The following CTNNA2 variants were observed in gnomAD, a reference collection of about 807,000 sequenced individuals.
CTNNA2 encodes catenin alpha-2.
CTNNA2 carries 42 observed loss-of-function variants against 101.0 expected under a neutral mutation model. That is an observed-to-expected ratio of 0.42 (90% CI 0.32 to 0.54). The LOEUF is 0.54. Ranked by LOEUF, CTNNA2 falls within the 20% of genes least tolerant of loss-of-function variation. CTNNA2 has a pLI of 0.14. For missense variants in CTNNA2, 871 were observed against 1,223.1 expected (o/e 0.71, Z 4.29); for synonymous variants, 450 against 456.4 (o/e 0.99, Z 0.18).
At chr2:79,275,277 G>A (rs1553389640) in intron 2 of CTNNA2, among the ~76,000 whole-genome samples, 2 of 152,012 alleles carry the variant, frequency 1.3e-5, no homozygotes, top group Non-Finnish European at 2.9e-5. Context: ...GAGGATCAAA[G>A]GTAGGGGCAC....
At chr2:80,190,966 A>G (rs1706462744) in intron 7 of CTNNA2, among the ~76,000 whole-genome samples, 1 of 152,156 alleles carries the variant, frequency 6.6e-6, no homozygotes. Flanking sequence ...TCTGAAGTGC[A>G]ACTTGTTCCA....
At chr2:79,684,917 TC>T (rs1014506325) in intron 2 of CTNNA2, among the ~76,000 whole-genome samples, 2 of 152,152 alleles carry the variant, frequency 1.3e-5, no homozygotes, top group Non-Finnish European at 2.9e-5. Flanking sequence ...CCGCCCTCTT[TC>T]CCAGTTCATC....
intron 2 of CTNNA2, among the ~76,000 whole-genome samples, chr2:79,665,963 T>C (rs1375038372): frequency 6.6e-6 from 1 of 152,180 alleles, no homozygotes; most frequent in Admixed American, 6.5e-5. Flanking sequence ...TAAACTGTAG[T>C]TTTCAATGGC....
chr2:79,744,063 A>G (rs1359942548), intron 2 of CTNNA2, among the ~76,000 whole-genome samples: 1 of 152,046 alleles, frequency 6.6e-6, no homozygotes, highest in Non-Finnish European at 1.5e-5. Context: ...GAGGCTGGGT[A>G]CTCCAAGGAG....
At position 79,550,614 on chromosome 2, in the gene CTNNA2, A is replaced by G. The variant is rs147266576; in HGVS notation, c.-6+37407A>G. ...GTTACCCCTGTTGTATGACCATTAC[A>G]TCTGTATTAAGCGCAACACTCATTT... is the stretch of plus-strand genomic sequence containing the variant. On this transcript the variant is annotated intron_variant, in intron 1 of 18. Transcript: ENST00000402739. Among the ~76,000 whole-genome samples, 88 of 152,346 alleles carry G rather than the reference A, an allele frequency of 5.8e-4. No homozygotes were observed. In the East Asian group the frequency reaches 0.013, roughly 23 times the overall value.
intron 6 of CTNNA2, among the ~76,000 whole-genome samples, chr2:79,888,843 A>G (rs935760620): frequency 6.6e-6 from 1 of 152,202 alleles, no homozygotes; most frequent in Non-Finnish European, 1.5e-5. Flanking sequence ...TATGATATTC[A>G]AAATTGTCTA....
At chr2:79,694,129 T>G (rs2104717757) in intron 2 of CTNNA2, among the ~76,000 whole-genome samples, 1 of 152,068 alleles carries the variant, frequency 6.6e-6, no homozygotes, top group African/African-American at 2.4e-5. Flanking sequence ...AACCACAAAC[T>G]TAATGTTTTT....
intron 18 of CTNNA2, among the ~76,000 whole-genome samples, chr2:80,639,841 G>T (rs976113165): frequency 6.6e-6 from 1 of 151,974 alleles, no homozygotes; most frequent in Non-Finnish European, 1.5e-5. Context: ...GGTGGCTCAC[G>T]CCTGTAATTC....
intron 4 of CTNNA2, among the ~76,000 whole-genome samples, chr2:79,387,027 T>C (rs1678113440): frequency 6.6e-6 from 1 of 152,226 alleles, no homozygotes; most frequent in East Asian, 1.9e-4. Flanking sequence ...GCTGCTGTAC[T>C]ATCACAGCCA....
intron 7 of CTNNA2, among the ~76,000 whole-genome samples, chr2:80,164,366 A>G (rs1704525256): frequency 6.6e-6 from 1 of 151,968 alleles, no homozygotes; most frequent in South Asian, 2.1e-4. Flanking sequence ...TTACACATAA[A>G]TTATATATAT....
intron 9 of CTNNA2, among the ~76,000 whole-genome samples, chr2:80,544,777 C>T (rs947326532): frequency 6.6e-6 from 1 of 152,124 alleles, no homozygotes; most frequent in Non-Finnish European, 1.5e-5. Flanking sequence ...GCTTGAGAGT[C>T]GTGAAATGCC....
intron 4 of CTNNA2, among the ~76,000 whole-genome samples, chr2:79,384,165 T>C (rs1402762320): frequency 6.6e-6 from 1 of 152,118 alleles, no homozygotes; most frequent in South Asian, 2.1e-4. Flanking sequence ...TAAAAAACAA[T>C]CAGCGTAAAT....
intron 3 of CTNNA2, among the ~76,000 whole-genome samples, chr2:79,343,774 C>T (rs1677193113): frequency 6.6e-6 from 1 of 151,476 alleles, no homozygotes; most frequent in South Asian, 2.1e-4. Flanking sequence ...ACAAAGAATC[C>T]TATTGCTATT....
chr2:80,046,428 A>G (rs546152519), intron 7 of CTNNA2, among the ~76,000 whole-genome samples: 40 of 152,148 alleles, frequency 2.6e-4, no homozygotes, highest in Non-Finnish European at 5.9e-5. Context: ...TATCTAGTAT[A>G]ATTGAAAAGA....
chr2:79,726,771 A>T, intron 2 of CTNNA2, among the ~76,000 whole-genome samples: 1 of 152,348 alleles, frequency 6.6e-6, no homozygotes, highest in East Asian at 1.9e-4. Context: ...AAAATGGGGT[A>T]GAGAGATTCT....
At position 80,043,091 on chromosome 2, in the gene CTNNA2, CTTT is replaced by C. The variant is rs1696236181; in HGVS notation, c.1056+133295_1056+133297del. Among the ~76,000 whole-genome samples the C allele has an allele frequency of 7.2e-4, 12 of 16,668 alleles. 2 individuals carry two copies. In the East Asian group the frequency reaches 0.013, roughly 18 times the overall value. 10.9% of individuals were successfully genotyped at this position (16,668 alleles called of 152,430 possible). ...TCTTTCTTTCTTTCTTTCTTTCTTT[CTTT>C]CTCTCTCTCTCTCTCTCTTTCTTTC... is the stretch of plus-strand genomic sequence containing the variant. On this transcript the variant is annotated intron_variant, in intron 7 of 18. Transcript: ENST00000402739.
At chr2:80,077,450 AAAC>A (rs1257270635) in intron 7 of CTNNA2, among the ~76,000 whole-genome samples, 4 of 152,164 alleles carry the variant, frequency 2.6e-5, no homozygotes, top group Admixed American at 6.5e-5. Flanking sequence ...ATTTTTAGAA[AAAC>A]AACAACAACT....
intron 4 of CTNNA2, among the ~76,000 whole-genome samples, chr2:79,490,641 AGAACACAAT>A (rs1273218734): frequency 6.6e-6 from 1 of 152,212 alleles, no homozygotes; most frequent in African/African-American, 2.4e-5. Flanking sequence ...GGAGGCAAAA[AGAACACAAT>A]GAATGGTTAT....
chr2:80,164,549 T>C (rs2148951196), intron 7 of CTNNA2, among the ~76,000 whole-genome samples: 1 of 152,214 alleles, frequency 6.6e-6, no homozygotes, highest in South Asian at 2.1e-4. Context: ...CAAATATAAT[T>C]TAGAATACTC....
Sources: gnomAD v4.1 joint callset for allele counts (sites outside exome capture counted in the v4.1 genomes callset) on GRCh38, gnomAD v4.1.1 for gene constraint, MANE v1.5 for transcripts, NCBI Gene and HGNC (gene_info 2026-07-23, HGNC 2026-07-21) for gene names.